Variants in P2RX5 observed in about 807,000 individuals in gnomAD.
P2RX5 encodes P2X purinoceptor 5.
In P2RX5, 46 loss-of-function variants were observed where a neutral mutation model predicts 54.1. The ratio of observed to expected loss-of-function variants is 0.85; its 90% CI spans 0.67 to 1.09. The LOEUF is 1.09. P2RX5 is among the 50% of genes least tolerant of loss of function. The probability of loss-of-function intolerance (pLI) is 0.00; values close to 1 mark genes in which losing one functional copy is unlikely to be tolerated. For synonymous variants in P2RX5, 226 were observed against 226.4 expected, an observed-to-expected ratio of 1.00 and a Z score of 0.02; for missense variants, 566 against 549.8, an observed-to-expected ratio of 1.03 and a Z score of -0.29.
intron 9 of P2RX5, among the ~76,000 whole-genome samples, chr17:3,684,830 G>GC (rs1385113512): frequency 7.6e-6 from 1 of 132,304 alleles, no homozygotes; most frequent in Non-Finnish European, 1.6e-5. Context: ...GCCTAATCCT[G>GC]CCCCCTTTTT....
At chr17:3,716,677 G>A in the P2RX5 span, 1 of 1,495,648 alleles carries the variant, frequency 6.7e-7, no homozygotes, top group Non-Finnish European at 9.3e-7. Flanking sequence ...GATGCCATGA[G>A]TAGAACTGAC....
chr17:3,684,671 A>G (rs2050383869), intron 9 of P2RX5, among the ~76,000 whole-genome samples: 1 of 152,188 alleles, frequency 6.6e-6, no homozygotes, highest in Non-Finnish European at 1.5e-5. Flanking sequence ...ATGAAATAGA[A>G]AACAAACAAA....
the P2RX5 span, chr17:3,716,857 T>C: frequency 1.0e-5 from 10 of 963,262 alleles, no homozygotes; most frequent in Non-Finnish European, 1.7e-5. Context: ...GAAAAAATCC[T>C]ACATGTTATT....
chr17:3,691,789 A>G lies in P2RX5; in HGVS notation c.143T>C (p.Val48Ala). 6.2e-7 allele frequency: 1 copy of G among 1,613,976 alleles called. No individual in the cohort carries two copies. The stretch of plus-strand genomic sequence containing the variant: ...TTGGTAACCCTTCTTTATCAGGAAC[A>G]CCCATCTGTGGGAAGGGGGCCGGTA... The part of the protein sequence containing the change: ...ASILAYLVVW[V>A]FLIKKGYQDV... Residue 48 changes from valine (V) to alanine (A), a missense_variant, in exon 2 of 12, where the codon GTG becomes GCG. Val to Ala is a moderately conservative substitution (Grantham distance 64). Transcript: ENST00000225328.
chr17:3,723,761 G>T, the P2RX5 span: 3 of 1,605,800 alleles, frequency 1.9e-6, no homozygotes, highest in Non-Finnish European at 2.5e-6. Flanking sequence ...CGAGAGCCAT[G>T]ACCGCGACGC....
At chr17:3,693,056 C>T (rs1465302227) in intron 1 of P2RX5, among the ~76,000 whole-genome samples, 2 of 137,646 alleles carry the variant, frequency 1.5e-5, no homozygotes, top group African/African-American at 5.4e-5. Flanking sequence ...ACAAAAAACT[C>T]TTATAATTTA....
chr17:3,681,258 G>C (rs1032576536), intron 10 of P2RX5, among the ~76,000 whole-genome samples: 3 of 152,154 alleles, frequency 2.0e-5, no homozygotes, highest in African/African-American at 7.2e-5. Flanking sequence ...CAGGCTGTGG[G>C]GGTGCTGAGG....
chr17:3,690,328 G>C, intron 5 of P2RX5, 99 bp downstream of exon 5: 1 of 1,157,562 alleles, frequency 8.6e-7, no homozygotes, highest in Non-Finnish European at 1.3e-6. Context: ...TCCTCCCTCA[G>C]CGTGAGGCTC....
chr17:3,673,730 G>C lies in P2RX5; in HGVS notation c.*138C>G, dbSNP rs1340121688. 3 of 1,601,592 alleles carry C rather than the reference G, an allele frequency of 1.9e-6. No homozygotes were observed. In the African/African-American group the frequency reaches 4.0e-5, roughly 21 times the overall value. The stretch of plus-strand genomic sequence containing the variant: ...AGGTCACTTTGCTCTGTGATGGCTG[G>C]TCCCTGTGATGTGGCATTGATAGCA... On this transcript the variant is annotated 3_prime_UTR_variant, in exon 12 of 12. Transcript: ENST00000225328.
chr17:3,675,382 A>G, intron 11 of P2RX5: 1 of 985,274 alleles, frequency 1.0e-6, no homozygotes, highest in Non-Finnish European at 1.2e-6. Flanking sequence ...TAGTATGACT[A>G]TCCTCAGGTT....
upstream of P2RX5, among the ~76,000 whole-genome samples, chr17:3,699,803 TAAGA>T (rs200965100): frequency 1.0e-2 from 867 of 86,778 alleles, 8 homozygotes; most frequent in Middle Eastern, 0.023. Flanking sequence ...ATACTCCATC[TAAGA>T]AAGAAAGAAA....
the P2RX5 span, among the ~76,000 whole-genome samples, chr17:3,708,183 G>A: frequency 2.6e-5 from 4 of 152,008 alleles, no homozygotes; most frequent in South Asian, 2.1e-4. Flanking sequence ...TGGTACTTAG[G>A]AAGACTGTTT....
chr17:3,705,732 T>C, the P2RX5 span, among the ~76,000 whole-genome samples: 2 of 152,202 alleles, frequency 1.3e-5, no homozygotes, highest in African/African-American at 2.4e-5. Flanking sequence ...TTAGCCTGTA[T>C]ACTTGAAGTG....
the P2RX5 span, among the ~76,000 whole-genome samples, chr17:3,711,387 T>TTTTTTC: frequency 3.9e-5 from 5 of 126,856 alleles, no homozygotes; most frequent in African/African-American, 1.6e-4. Flanking sequence ...TTTTTTTTTT[T>TTTTTTC]TTTTTTTTTT....
At chr17:3,720,355 G>C in the P2RX5 span, 5 of 1,590,590 alleles carry the variant, frequency 3.1e-6, no homozygotes, top group Non-Finnish European at 4.3e-6. Context: ...GAGATTTGTT[G>C]AAAGATATTT....
intron 2 of P2RX5, 128 bp from the exon 3 acceptor site, chr17:3,691,155 G>T (rs2050605972): frequency 5.6e-6 from 4 of 715,616 alleles, no homozygotes; most frequent in Non-Finnish European, 5.0e-6. Context: ...CACAAACTTG[G>T]TATACTCTGC....
At chr17:3,706,999 T>C in the P2RX5 span, among the ~76,000 whole-genome samples, 1 of 152,174 alleles carries the variant, frequency 6.6e-6, no homozygotes, top group South Asian at 2.1e-4. Context: ...CATCACCACT[T>C]TGGAAGTAGG....
At chr17:3,675,263 C>T in intron 11 of P2RX5, 1 of 661,288 alleles carries the variant, frequency 1.5e-6, no homozygotes, top group Non-Finnish European at 1.9e-6. Context: ...TGTTCTCAAA[C>T]TCCTGAACTC....
chr17:3,710,202 G>A, the P2RX5 span, among the ~76,000 whole-genome samples: 7 of 152,084 alleles, frequency 4.6e-5, no homozygotes, highest in East Asian at 7.8e-4. Context: ...CGAGGTGAGC[G>A]GATCACTTGA....
Sources: gnomAD v4.1 joint callset for allele counts (sites outside exome capture counted in the v4.1 genomes callset) on GRCh38, gnomAD v4.1.1 for gene constraint, MANE v1.5 for transcripts, NCBI Gene and HGNC (gene_info 2026-07-23, HGNC 2026-07-21) for gene names.